The following GNA12 variants were observed in gnomAD, a reference collection of about 807,000 sequenced individuals.
The protein encoded by GNA12 is G protein subunit alpha 12, also known as guanine nucleotide-binding protein subunit alpha-12.
In GNA12, 9 loss-of-function variants were observed where a neutral mutation model predicts 26.0. The ratio of observed to expected loss-of-function variants is 0.35; its 90% CI spans 0.21 to 0.60. The LOEUF (loss-of-function observed/expected upper bound fraction) is 0.60. GNA12 is among the 20% of genes least tolerant of loss of function. GNA12 has a pLI of 0.78. For missense variants in GNA12, 405 were observed against 525.8 expected (o/e 0.77, Z 2.25); for synonymous variants, 264 against 219.6 (o/e 1.20, Z -1.79).
intron 2 of GNA12, among the ~76,000 whole-genome samples, chr7:2,750,229 C>G (rs1790965584): frequency 6.6e-6 from 1 of 152,232 alleles, no homozygotes. Context: ...CTGCAAGTCC[C>G]AGCTCTGCTT....
intron 2 of GNA12, chr7:2,760,349 C>G (rs1791499052): frequency 6.6e-6 from 1 of 152,398 alleles, no homozygotes; most frequent in Non-Finnish European, 1.5e-5. Context: ...TACCAGTACA[C>G]CAGGGGGACA....
intron 1 of GNA12, among the ~76,000 whole-genome samples, chr7:2,823,981 T>G (rs960064632): frequency 6.6e-6 from 1 of 152,224 alleles, no homozygotes; most frequent in African/African-American, 2.4e-5. Context: ...CCACCACCAT[T>G]CTTTTTGCTC....
At chr7:2,755,391 C>T (rs999656393) in intron 2 of GNA12, among the ~76,000 whole-genome samples, 11 of 152,226 alleles carry the variant, frequency 7.2e-5, no homozygotes, top group Admixed American at 5.9e-4. Context: ...GAACACGGCA[C>T]ATCCCTCCAT....
chr7:2,757,666 T>C (rs1791368342), intron 2 of GNA12, among the ~76,000 whole-genome samples: 1 of 152,200 alleles, frequency 6.6e-6, no homozygotes, highest in Non-Finnish European at 1.5e-5. Context: ...CGTTTTAAGT[T>C]GCTAATTGGT....
chr7:2,736,306 G>A (rs1200335283), intron 2 of GNA12, among the ~76,000 whole-genome samples: 1 of 152,106 alleles, frequency 6.6e-6, no homozygotes, highest in Non-Finnish European at 1.5e-5. Context: ...ATCCAAAGTG[G>A]GCTCTCGGGA....
intron 1 of GNA12, among the ~76,000 whole-genome samples, chr7:2,838,015 C>A (rs149596974): frequency 4.5e-4 from 68 of 151,736 alleles, no homozygotes; most frequent in African/African-American, 1.6e-3. Flanking sequence ...GTAAATGGGC[C>A]CAAGCAGAAG....
At chr7:2,761,994 C>T (rs984485687) in intron 2 of GNA12, among the ~76,000 whole-genome samples, 1 of 152,212 alleles carries the variant, frequency 6.6e-6, no homozygotes, top group South Asian at 2.1e-4. Flanking sequence ...CTAACCTCAC[C>T]GAGGCCTCCC....
At position 2,832,997 on chromosome 7, in the gene GNA12, G is replaced by T. The variant is rs77912028; in HGVS notation, c.309+10856C>A. ...GGATACAAGTCATGTTTTCCATTCT[G>T]CAAAACCTGGACACACCTGAGCATT... is the stretch of plus-strand genomic sequence containing the variant. On this transcript the variant is annotated intron_variant, in intron 1 of 3. Transcript: ENST00000275364. Among the ~76,000 whole-genome samples the T allele has an allele frequency of 4.4e-4, 67 of 152,278 alleles. No homozygotes were observed. The East Asian group carries it at 5.4e-3, about 12-fold the overall frequency.
At chr7:2,788,157 A>C (rs1171887172) in intron 2 of GNA12, among the ~76,000 whole-genome samples, 1 of 151,910 alleles carries the variant, frequency 6.6e-6, no homozygotes, top group Non-Finnish European at 1.5e-5. Context: ...GTCTCCAAAA[A>C]AAAAAACAAA....
rs567722470 is a variant in GNA12, at chr7:2,763,103, C to T, written c.526-29602G>A. Reference sequence around the variant, plus strand: ...GCCTTGAGTGAGAGACCACAAGCAGCCTCTGAAGTCATCTTCCTCTCTCTT... The same window carrying T: ...GCCTTGAGTGAGAGACCACAAGCAGTCTCTGAAGTCATCTTCCTCTCTCTT... On this transcript the variant is annotated intron_variant, in intron 2 of 3. Coordinates refer to ENST00000275364, the MANE Select transcript of GNA12 (RefSeq NM_007353.3). The T allele has an allele frequency of 6.4e-6, 8 of 1,244,484 alleles. No homozygotes were observed. The East Asian group carries it at 2.2e-4, about 35-fold the overall frequency. The allele number at this position is 1,244,484 out of a possible 1,614,324, so 77.1% of individuals were successfully genotyped here.
At chr7:2,737,274 G>GTTTTGTTTTGTTTTTTTTTTTTT (rs1790242698) in intron 2 of GNA12, among the ~76,000 whole-genome samples, 3 of 35,046 alleles carry the variant, frequency 8.6e-5, no homozygotes, top group African/African-American at 3.0e-4. Flanking sequence ...GTTTTGTTTT[G>GTTTTGTTTTGTTTTTTTTTTTTT]TTTTTTTTTT....
intron 1 of GNA12, among the ~76,000 whole-genome samples, chr7:2,830,289 A>G (rs113787429): frequency 2.6e-5 from 4 of 152,302 alleles, no homozygotes; most frequent in East Asian, 1.9e-4. Context: ...ACGAGTCTCA[A>G]TATTTCTTCC....
In GNA12 at chr7:2,731,370, G is replaced by A. The variant is rs760309527; in HGVS notation, c.957C>T (p.Gly319=). 3.4e-5 allele frequency: 55 copies of A among 1,613,452 alleles called. No individual in the cohort carries two copies. The highest frequency in any genetic ancestry group is 8.9e-5 in the East Asian group (4 of 44,874). The change falls in exon 4 of 4, where the codon GGC becomes GGT. Residue 319 remains glycine (G), a synonymous_variant. Coordinates refer to ENST00000275364, the MANE Select transcript of GNA12 (RefSeq NM_007353.3). The surrounding 1 kb of genome is among the most constrained non-coding windows in gnomAD (Gnocchi z 6.0). ...SIKKHFPDFR[G]DPHRLEDVQR... The stretch of plus-strand genomic sequence containing the variant: ...GGACGTCCTCCAGCCTGTGCGGGTC[G>A]CCCCTGAAGTCCGGGAAGTGCTTCT...
At chr7:2,812,458 C>A (rs965664721) in intron 1 of GNA12, among the ~76,000 whole-genome samples, 1 of 152,028 alleles carries the variant, frequency 6.6e-6, no homozygotes, top group African/African-American at 2.4e-5. Flanking sequence ...GATTAAACCC[C>A]GTCTCTACTA....
chr7:2,822,769 C>T (rs1793396701), intron 1 of GNA12, among the ~76,000 whole-genome samples: 1 of 152,102 alleles, frequency 6.6e-6, no homozygotes, highest in African/African-American at 2.4e-5. Context: ...CTATGATCGC[C>T]CCACTGCACT....
intron 2 of GNA12, among the ~76,000 whole-genome samples, chr7:2,785,596 C>T (rs1224444882): frequency 1.3e-5 from 2 of 152,176 alleles, no homozygotes; most frequent in African/African-American, 4.8e-5. Context: ...TGTGACTTAT[C>T]CTATGAGCTG....
At chr7:2,791,508 G>C (rs748962327) in intron 2 of GNA12, among the ~76,000 whole-genome samples, 12 of 152,002 alleles carry the variant, frequency 7.9e-5, no homozygotes, top group Non-Finnish European at 1.6e-4. Context: ...TTCTATCTCT[G>C]ACTGGAATGG....
chr7:2,829,190 C>G (rs1182194), intron 1 of GNA12, among the ~76,000 whole-genome samples: 64,162 of 152,062 alleles, frequency 0.42, 13,813 homozygotes, highest in Admixed American at 0.48. Flanking sequence ...CTTTGCTGCT[C>G]TTGGCCCTCA....
chr7:2,812,175 C>T (rs1246204517), intron 1 of GNA12, among the ~76,000 whole-genome samples: 1 of 152,254 alleles, frequency 6.6e-6, no homozygotes, highest in East Asian at 1.9e-4. Flanking sequence ...ATGAAAAAAA[C>T]TAATCTGTTT....
Sources: gnomAD v4.1 joint callset for allele counts (sites outside exome capture counted in the v4.1 genomes callset) on GRCh38, gnomAD v4.1.1 for gene constraint, Gnocchi (gnomAD v3.1) non-coding constraint, MANE v1.5 for transcripts, NCBI Gene and HGNC (gene_info 2026-07-23, HGNC 2026-07-21) for gene names.